The following KCNH1 variants were observed in gnomAD, a reference collection of about 807,000 sequenced individuals.
KCNH1 encodes voltage-gated delayed rectifier potassium channel KCNH1.
Under a neutral mutation model 69.2 loss-of-function variants are expected in KCNH1, and 27 were observed. The ratio of observed to expected loss-of-function variants is 0.39; its 90% confidence interval spans 0.29 to 0.54. The LOEUF is 0.54. KCNH1 is among the 20% of genes least tolerant of loss of function. KCNH1 has a pLI of 0.68. For synonymous variants in KCNH1, 456 were observed against 487.7 expected (o/e 0.93, Z 0.86); for missense variants, 798 against 1,261.6 (o/e 0.63, Z 5.57).
At chr1:211,039,342 C>T (rs1477317134) in intron 5 of KCNH1, among the ~76,000 whole-genome samples, 2 of 152,218 alleles carry the variant, frequency 1.3e-5, no homozygotes, top group African/African-American at 4.8e-5. Flanking sequence ...GGGCAGGGCC[C>T]TCATGGAGAA....
chr1:211,078,246 A>G (rs547387586), intron 5 of KCNH1, among the ~76,000 whole-genome samples: 157 of 152,314 alleles, frequency 1.0e-3, no homozygotes, highest in Non-Finnish European at 2.0e-3. Context: ...CAGGACTTGA[A>G]CTCAGCTCTG....
At chr1:210,725,802 T>C (rs536824316) in intron 10 of KCNH1, among the ~76,000 whole-genome samples, 1 of 152,294 alleles carries the variant, frequency 6.6e-6, no homozygotes, top group African/African-American at 2.4e-5. Context: ...TCCATATATT[T>C]CCCTTCTTGT....
intron 10 of KCNH1, among the ~76,000 whole-genome samples, chr1:210,747,561 G>A (rs1470129551): frequency 6.6e-6 from 1 of 151,312 alleles, no homozygotes; most frequent in East Asian, 1.9e-4. Context: ...AAGATTTAAT[G>A]AGCAGATTAA....
At position 210,750,349 on chromosome 1, in the gene KCNH1, A is replaced by G. The variant is rs1475183110; in HGVS notation, c.2112+24999T>C. Reference sequence around the variant, plus strand: ...GTCCTGTACACACACGAGGACTTGCACACATTTTAGAGTTCTAAGCCAGGA... The same window carrying G: ...GTCCTGTACACACACGAGGACTTGCGCACATTTTAGAGTTCTAAGCCAGGA... On this transcript the variant is annotated intron_variant, in intron 10 of 10. Coordinates refer to ENST00000271751, the MANE Select transcript of KCNH1 (RefSeq NM_172362.3). 3.9e-5 allele frequency among the ~76,000 whole-genome samples: 6 copies of G among 152,304 alleles called. No homozygotes were observed. The East Asian group carries it at 9.7e-4, about 25-fold the overall frequency.
At chr1:210,812,047 T>G (rs1384131643) in intron 7 of KCNH1, among the ~76,000 whole-genome samples, 8 of 152,168 alleles carry the variant, frequency 5.3e-5, no homozygotes, top group South Asian at 2.1e-4. Flanking sequence ...AGGTGATACT[T>G]TTACTGCTAA....
chr1:210,753,346 G>GAC (rs975117293), intron 10 of KCNH1, among the ~76,000 whole-genome samples: 2 of 152,114 alleles, frequency 1.3e-5, no homozygotes, highest in African/African-American at 4.8e-5. Flanking sequence ...GACAATACAG[G>GAC]ACACACACAA....
At chr1:211,120,520 A>G (rs1307471637) in intron 1 of KCNH1, among the ~76,000 whole-genome samples, 2 of 152,226 alleles carry the variant, frequency 1.3e-5, no homozygotes, top group Non-Finnish European at 2.9e-5. Flanking sequence ...TCATTTTTAC[A>G]GTCTTAATAA....
At chr1:210,945,867 C>T (rs1303317115) in intron 6 of KCNH1, among the ~76,000 whole-genome samples, 1 of 152,164 alleles carries the variant, frequency 6.6e-6, no homozygotes, top group Non-Finnish European at 1.5e-5. Flanking sequence ...CGCTTAAAAT[C>T]GCAACTCCCA....
chr1:211,120,599 C>T (rs1307375395), intron 1 of KCNH1, among the ~76,000 whole-genome samples: 7 of 151,892 alleles, frequency 4.6e-5, no homozygotes, highest in Non-Finnish European at 1.0e-4. Context: ...AATTGAATAA[C>T]ACAAAAAATA....
At chr1:210,980,574 A>G (rs1353655526) in intron 6 of KCNH1, among the ~76,000 whole-genome samples, 3 of 152,216 alleles carry the variant, frequency 2.0e-5, no homozygotes, top group Non-Finnish European at 4.4e-5. Flanking sequence ...AGCATATGCA[A>G]ATGAACTGGT....
intron 10 of KCNH1, among the ~76,000 whole-genome samples, chr1:210,686,900 G>A (rs1010643978): frequency 5.3e-5 from 8 of 152,104 alleles, no homozygotes; most frequent in South Asian, 2.1e-4. Context: ...TTTCCATTTT[G>A]TTCCCAATTT....
At chr1:211,068,305 CTTCCAAT>C (rs1690570320) in intron 5 of KCNH1, among the ~76,000 whole-genome samples, 1 of 152,242 alleles carries the variant, frequency 6.6e-6, no homozygotes, top group Non-Finnish European at 1.5e-5. Flanking sequence ...TTCCTACCAA[CTTCCAAT>C]TTCCAATACG....
At chr1:210,760,329 A>T (rs941048063) in intron 10 of KCNH1, among the ~76,000 whole-genome samples, 5 of 152,218 alleles carry the variant, frequency 3.3e-5, no homozygotes, top group Non-Finnish European at 7.3e-5. Flanking sequence ...GAAAACCATC[A>T]GACTAAGAAC....
intron 1 of KCNH1, among the ~76,000 whole-genome samples, chr1:211,127,337 C>G (rs1259028115): frequency 4.6e-5 from 7 of 151,812 alleles, no homozygotes; most frequent in Admixed American, 2.6e-4. Flanking sequence ...TTCCTTCTCC[C>G]TTCCAGCTCT....
intron 7 of KCNH1, among the ~76,000 whole-genome samples, chr1:210,872,936 C>A (rs1686284381): frequency 6.6e-6 from 1 of 152,158 alleles, no homozygotes; most frequent in South Asian, 2.1e-4. Flanking sequence ...TTCAATCAAG[C>A]TTTTATCCTC....
chr1:211,055,095 G>A (rs1374496930), intron 5 of KCNH1, among the ~76,000 whole-genome samples: 1 of 151,974 alleles, frequency 6.6e-6, no homozygotes, highest in Non-Finnish European at 1.5e-5. Context: ...ACCTACGTAA[G>A]AGCCAAAAAA....
intron 6 of KCNH1, among the ~76,000 whole-genome samples, chr1:210,967,221 T>C (rs1688423927): frequency 6.6e-6 from 1 of 152,074 alleles, no homozygotes; most frequent in Admixed American, 6.6e-5. Context: ...ATACATAATG[T>C]AGATCATGGG....
chr1:210,837,149 G>A (rs1201990897), intron 7 of KCNH1, among the ~76,000 whole-genome samples: 1 of 152,138 alleles, frequency 6.6e-6, no homozygotes, highest in Non-Finnish European at 1.5e-5. Context: ...TTTGCACAAG[G>A]TGTTTCTTCT....
At chr1:211,106,692 G>A (rs1193245808) in intron 2 of KCNH1, among the ~76,000 whole-genome samples, 1 of 151,834 alleles carries the variant, frequency 6.6e-6, no homozygotes, top group East Asian at 1.9e-4. Context: ...CTACTCAGGA[G>A]GCTGAATCAG....
Sources: allele counts gnomAD v4.1 joint callset (sites outside exome capture counted in the v4.1 genomes callset), GRCh38; gene constraint gnomAD v4.1.1; transcripts MANE v1.5; gene names NCBI Gene and HGNC (gene_info 2026-07-23, HGNC 2026-07-21).